CD244: variants seen among roughly 807,000 people sequenced by gnomAD.
The protein encoded by CD244 is CD244 molecule.
A neutral mutation model predicts 45.5 loss-of-function variants in CD244; 20 were observed. The observed-to-expected ratio is 0.44, with a 90% confidence interval of 0.31 to 0.64. The LOEUF is 0.64. Ranked by LOEUF, CD244 falls within the 30% of genes least tolerant of loss-of-function variation. CD244 has a pLI of 0.08. For missense variants in CD244, 407 were observed against 426.9 expected, an observed-to-expected ratio of 0.95 and a Z score of 0.41; for synonymous variants, 185 against 160.5, an observed-to-expected ratio of 1.15 and a Z score of -1.15.
chr1:160,861,761 C>T (rs912970783), intron 1 of CD244, among the ~76,000 whole-genome samples: 2 of 152,030 alleles, frequency 1.3e-5, no homozygotes, highest in African/African-American at 2.4e-5. Flanking sequence ...CACTTGAACC[C>T]GGGAGGCAGA....
At chr1:160,861,271 C>T (rs1450766483) in intron 1 of CD244, among the ~76,000 whole-genome samples, 1 of 152,192 alleles carries the variant, frequency 6.6e-6, no homozygotes, top group African/African-American at 2.4e-5. Context: ...CCTCATCATG[C>T]TCTGCCCTAG....
At chr1:160,855,946 T>A (rs988371717) in intron 1 of CD244, among the ~76,000 whole-genome samples, 10 of 152,230 alleles carry the variant, frequency 6.6e-5, no homozygotes, top group African/African-American at 1.9e-4. Context: ...CTCAGCTTCC[T>A]CCAACCTGGA....
At position 160,841,706 on chromosome 1, in the gene CD244, A is replaced by G. The variant is rs1557835791; in HGVS notation, c.257T>C (p.Ile86Thr). 1.1e-5 allele frequency: 18 copies of G among 1,614,248 alleles called. No homozygotes were observed. In the East Asian group the frequency reaches 4.0e-4, roughly 36 times the overall value. The change falls in exon 2 of 9, where the codon ATA (isoleucine) becomes ACA (threonine). Residue 86 changes from isoleucine (I) to threonine (T), a missense_variant. Physicochemically the swap from Ile to Thr is moderately conservative, Grantham distance 89 (BLOSUM62 -1). Transcript: ENST00000368034. ...SNTSNDRFSFIVKNLSLLIKA... is the reference protein window; with the variant it reads ...SNTSNDRFSFTVKNLSLLIKA... ...GATGAGAAGACTCAAGTTCTTGACT[A>G]TAAAACTGAATCTATCATTGGAAGT...
In CD244 at chr1:160,836,219, G is replaced by A. The variant is rs772348897; in HGVS notation, c.870C>T (p.Thr290=). The part of the protein sequence containing the change: ...QEQTFPGGGS[T]IYSMIQSQSS... ...CCTGGGACTGGATCATAGAGTAGAT[G>A]GTGCTCCCCCCTCCAGGAAAAGTCT... Residue 290 remains threonine, a synonymous_variant, in exon 6 of 9, where the codon ACC becomes ACT. Coordinates refer to ENST00000368034, the MANE Select transcript of CD244 (RefSeq NM_016382.4). 6.2e-7 allele frequency: 1 copy of A among 1,613,854 alleles called. No homozygotes were observed. Among genetic ancestry groups the A allele is most frequent in the South Asian group, 1.1e-5 (1 of 91,084 alleles).
Position 160,841,292 on chromosome 1 carries a change from T to C in CD244, c.573A>G (p.Thr191=), listed in dbSNP as rs759026204. ...CAGGATTGCTGACATTGCAGGTATA[T>C]GTGTGAGTGCCATTAATGTCAACCT... ...DEEVDINGTH[T]YTCNVSNPVS... Residue 191 remains threonine, a synonymous_variant, in exon 3 of 9, where the codon ACA becomes ACG. Transcript: ENST00000368034. 7 of 1,614,164 alleles carry C rather than the reference T, an allele frequency of 4.3e-6. No individual in the cohort carries two copies. The highest frequency in any genetic ancestry group is 5.9e-6 in the Non-Finnish European group (7 of 1,180,004).
chr1:160,862,357 T>C (rs1336930248), intron 1 of CD244, among the ~76,000 whole-genome samples: 1 of 152,206 alleles, frequency 6.6e-6, no homozygotes, highest in African/African-American at 2.4e-5. Context: ...GAAGGGTAAA[T>C]TGAAGCCAGT....
intron 3 of CD244, chr1:160,839,270 A>G: frequency 2.1e-6 from 1 of 469,882 alleles, no homozygotes; most frequent in Admixed American, 3.8e-5. Flanking sequence ...GCCTGGCTCA[A>G]ATTCTAACCC....
intron 1 of CD244, chr1:160,848,073 T>C (rs1669796230): frequency 5.3e-6 from 2 of 374,748 alleles, no homozygotes; most frequent in Admixed American, 3.6e-5. Flanking sequence ...CGTGTCTCCT[T>C]GGAGCTGTTT....
intron 1 of CD244, among the ~76,000 whole-genome samples, chr1:160,846,177 A>C (rs1669729638): frequency 1.3e-5 from 2 of 152,088 alleles, no homozygotes; most frequent in African/African-American, 2.4e-5. Context: ...ACTGCACTCT[A>C]TTTATAGTCT....
chr1:160,841,820 A>T lies in CD244; in HGVS notation c.143T>A (p.Val48Asp). 6.2e-7 allele frequency: 1 copy of T among 1,614,190 alleles called. No individual in the cohort carries two copies. Among genetic ancestry groups the T allele is most frequent in the Non-Finnish European group, 8.5e-7 (1 of 1,180,022 alleles). The change falls in exon 2 of 9, where the codon GTT becomes GAT. Residue 48 changes from valine to aspartate, a missense_variant. By Grantham distance (152) the Val-to-Asp change is radical (BLOSUM62 -3). Transcript: ENST00000368034. ...QLQPNSIQTK[V>D]DSIAWKKLLP... is the part of the protein sequence containing the mutation. The stretch of plus-strand genomic sequence containing the variant: ...CAACTTCTTCCATGCAATGCTGTCA[A>T]CCTTCGTCTGTATGCTGTTTGGTTG...
At chr1:160,862,093 T>G (rs190367973) in intron 1 of CD244, among the ~76,000 whole-genome samples, 423 of 152,254 alleles carry the variant, frequency 2.8e-3, no homozygotes, top group African/African-American at 9.8e-3. Context: ...ATTTCCAGGC[T>G]CCTGTGGCAT....
rs115454268 is a variant in CD244 at position 160,832,198 on chromosome 1, C to G, written c.1017+321G>C. ...TTTATCTTCCCCTCTCTGACCCCTCCTCCGAACACTCTTGGAAAGGAGAGA... is the reference window on the plus strand; with the variant it reads ...TTTATCTTCCCCTCTCTGACCCCTCGTCCGAACACTCTTGGAAAGGAGAGA... On this transcript the variant is annotated intron_variant, in intron 8 of 8. Transcript: ENST00000368034. Among the ~76,000 whole-genome samples the G allele has an allele frequency of 5.9e-5, 9 of 152,234 alleles. No individual in the cohort carries two copies. In the East Asian group the frequency reaches 1.7e-3, roughly 29 times the overall value.
rs1271063024 is a variant in CD244 at position 160,839,052 on chromosome 1, G to A, written c.656-3C>T. The A allele has an allele frequency of 2.5e-6, 4 of 1,602,244 alleles. No individual in the cohort carries two copies. The East Asian group carries it at 6.7e-5, about 27-fold the overall frequency. ...CAAAAACGGCCAAAATCTGAATTCT[G>A]AGGAATACAGAAGGCGTGAGAACTG... is the stretch of plus-strand genomic sequence containing the variant. On this transcript the variant is annotated splice_polypyrimidine_tract_variant and splice_region_variant and intron_variant, in intron 3 of 8. Transcript: ENST00000368034.
chr1:160,834,505 G>T (rs1426033697), intron 6 of CD244, among the ~76,000 whole-genome samples: 1 of 152,114 alleles, frequency 6.6e-6, no homozygotes, highest in Non-Finnish European at 1.5e-5. Flanking sequence ...ACAGGTGCCT[G>T]CCATCATGCC....
rs116461917 is a variant in CD244 at position 160,837,650 on chromosome 1, G to A, written c.834+801C>T. Among the ~76,000 whole-genome samples, 1,335 of 152,300 alleles carry A rather than the reference G, an allele frequency of 8.8e-3. 22 individuals carry two copies. The highest frequency in any genetic ancestry group is 0.031 in the African/African-American group (1,276 of 41,566). ...GAGCCCCACCACATGTGCTTCCTGC[G>A]TGCTGCTGGGTCTCCACAGCAAAGC... is the stretch of plus-strand genomic sequence containing the variant. On this transcript the variant is annotated intron_variant, in intron 5 of 8. Coordinates refer to ENST00000368034, the MANE Select transcript of CD244 (RefSeq NM_016382.4).
chr1:160,835,168 G>C (rs1669287940), intron 6 of CD244, among the ~76,000 whole-genome samples: 1 of 151,876 alleles, frequency 6.6e-6, no homozygotes, highest in African/African-American at 2.4e-5. Context: ...TGTTTCCCTT[G>C]GGAGAGATGT....
chr1:160,842,005 T>A, intron 1 of CD244, 104 bp from the exon 2 acceptor site: 1 of 855,872 alleles, frequency 1.2e-6, no homozygotes, highest in Non-Finnish European at 1.9e-6. Context: ...TGGGGATGAG[T>A]ATGAGGAGCC....
intron 1 of CD244, among the ~76,000 whole-genome samples, chr1:160,855,866 T>A (rs1557844575): frequency 6.6e-6 from 1 of 152,096 alleles, no homozygotes; most frequent in Non-Finnish European, 1.5e-5. Flanking sequence ...CAGAGGATGG[T>A]GAAGGAGACA....
intron 3 of CD244, 32 bp from the exon 4 acceptor site, chr1:160,839,081 T>C (rs996592388): frequency 1.2e-5 from 18 of 1,499,260 alleles, no homozygotes; most frequent in Admixed American, 1.7e-5. Context: ...AGAACTGAGC[T>C]GTCAGCTCGC....
Sources: allele counts gnomAD v4.1 joint callset (sites outside exome capture counted in the v4.1 genomes callset), GRCh38; gene constraint gnomAD v4.1.1; transcripts MANE v1.5; gene names NCBI Gene and HGNC (gene_info 2026-07-23, HGNC 2026-07-21).